KCNQ5: variants seen among roughly 807,000 people sequenced by gnomAD.
KCNQ5 encodes the protein potassium voltage-gated channel subfamily KQT member 5.
In KCNQ5, 30 loss-of-function variants were observed where a neutral mutation model predicts 98.2. The ratio of observed to expected loss-of-function variants is 0.31; its 90% CI spans 0.23 to 0.41. KCNQ5 has a LOEUF of 0.41. Among genes scored for constraint, KCNQ5 ranks in the 10% least tolerant of loss-of-function variants. The probability of loss-of-function intolerance (pLI) is 1.00; values close to 1 mark genes in which losing one functional copy is unlikely to be tolerated. For synonymous variants in KCNQ5, 458 were observed against 449.4 expected, an observed-to-expected ratio of 1.02 and a Z score of -0.24; for missense variants, 835 against 1,182.5, an observed-to-expected ratio of 0.71 and a Z score of 4.31.
intron 1 of KCNQ5, among the ~76,000 whole-genome samples, chr6:72,678,713 C>T (rs1269775027): frequency 6.6e-6 from 1 of 152,054 alleles, no homozygotes; most frequent in Non-Finnish European, 1.5e-5. Context: ...GTCTTTGGAA[C>T]AACATTTAAT....
chr6:72,909,614 G>A (rs1033995936), intron 1 of KCNQ5, among the ~76,000 whole-genome samples: 3 of 152,162 alleles, frequency 2.0e-5, no homozygotes, highest in Non-Finnish European at 2.9e-5. Flanking sequence ...AGTTCAAGAG[G>A]ATGTTTTCTA....
chr6:73,063,938 A>C (rs538614241), intron 3 of KCNQ5, among the ~76,000 whole-genome samples: 34 of 152,282 alleles, frequency 2.2e-4, no homozygotes, highest in African/African-American at 7.0e-4. Context: ...GGATTAGCCA[A>C]GTGCCTAAAC....
chr6:73,185,438 C>T (rs114228382), intron 11 of KCNQ5, among the ~76,000 whole-genome samples: 4,717 of 152,240 alleles, frequency 0.031, 108 homozygotes, highest in East Asian at 0.1. Context: ...CTCCTCAGCC[C>T]CCCAAAGTGC....
At chr6:72,995,596 A>G (rs1769258564) in intron 1 of KCNQ5, among the ~76,000 whole-genome samples, 1 of 152,168 alleles carries the variant, frequency 6.6e-6, no homozygotes, top group Non-Finnish European at 1.5e-5. Context: ...AGGTAAGATG[A>G]TAGTCGTGGG....
intron 1 of KCNQ5, among the ~76,000 whole-genome samples, chr6:72,969,016 GGTTTC>G (rs1459490035): frequency 2.0e-5 from 3 of 152,002 alleles, no homozygotes; most frequent in African/African-American, 7.3e-5. Flanking sequence ...AGCCAACTTG[GGTTTC>G]CTAAGTACAG....
chr6:72,762,416 T>TA (rs111784331), intron 1 of KCNQ5, among the ~76,000 whole-genome samples: 60 of 148,114 alleles, frequency 4.1e-4, no homozygotes, highest in Middle Eastern at 6.9e-3. Context: ...TTAGAATACT[T>TA]AAAAAAAAAA....
intron 3 of KCNQ5, among the ~76,000 whole-genome samples, chr6:73,058,410 C>CA (rs1306295690): frequency 5.3e-4 from 79 of 147,994 alleles, no homozygotes; most frequent in African/African-American, 1.8e-3. Flanking sequence ...GACTCCGTCT[C>CA]AAAAAAAAAC....
chr6:72,917,306 G>T (rs1780188594), intron 1 of KCNQ5, among the ~76,000 whole-genome samples: 1 of 151,990 alleles, frequency 6.6e-6, no homozygotes, highest in African/African-American at 2.4e-5. Flanking sequence ...TTGTAAATTT[G>T]AAATATTTTT....
intron 1 of KCNQ5, among the ~76,000 whole-genome samples, chr6:72,977,787 G>T (rs1768227704): frequency 6.6e-6 from 1 of 152,042 alleles, no homozygotes; most frequent in Admixed American, 6.6e-5. Context: ...AACACAGTAT[G>T]CATTTTATGT....
intron 1 of KCNQ5, among the ~76,000 whole-genome samples, chr6:72,783,946 C>T (rs1773612182): frequency 6.6e-6 from 1 of 152,050 alleles, no homozygotes; most frequent in Non-Finnish European, 1.5e-5. Context: ...GTGGGTTTAC[C>T]ACAGAACACA....
intron 1 of KCNQ5, among the ~76,000 whole-genome samples, chr6:72,821,526 C>T (rs574788081): frequency 2.2e-4 from 34 of 152,142 alleles, no homozygotes; most frequent in African/African-American, 7.7e-4. Context: ...TATTCCATCA[C>T]AAATGAAATG....
chr6:72,934,525 A>C (rs1411000505), intron 1 of KCNQ5, among the ~76,000 whole-genome samples: 2 of 152,216 alleles, frequency 1.3e-5, no homozygotes, highest in East Asian at 3.8e-4. Context: ...ATAGATCCCT[A>C]GACAAAATTA....
chr6:72,749,658 G>A (rs1010786882), intron 1 of KCNQ5, among the ~76,000 whole-genome samples: 2 of 152,010 alleles, frequency 1.3e-5, no homozygotes, highest in Non-Finnish European at 2.9e-5. Context: ...TAGGTGGATG[G>A]AAAAATACAA....
intron 1 of KCNQ5, among the ~76,000 whole-genome samples, chr6:72,631,596 T>C (rs1248917953): frequency 6.6e-6 from 1 of 152,184 alleles, no homozygotes; most frequent in Non-Finnish European, 1.5e-5. Flanking sequence ...AATGTGGAAT[T>C]CTTCAGTGAT....
At chr6:72,659,768 C>T (rs1281017084) in intron 1 of KCNQ5, among the ~76,000 whole-genome samples, 4 of 152,178 alleles carry the variant, frequency 2.6e-5, no homozygotes, top group African/African-American at 7.2e-5. Context: ...ACTTAGGAGA[C>T]GGATTGTCAA....
chr6:72,675,954 A>C (rs1360917929), intron 1 of KCNQ5, among the ~76,000 whole-genome samples: 1 of 152,146 alleles, frequency 6.6e-6, no homozygotes, highest in East Asian at 1.9e-4. Flanking sequence ...TCCATTCTGA[A>C]TCTTATATTG....
intron 3 of KCNQ5, among the ~76,000 whole-genome samples, chr6:73,058,329 G>T (rs541903492): frequency 1.2e-4 from 19 of 152,148 alleles, no homozygotes; most frequent in Admixed American, 2.6e-4. Context: ...GGAGAATGGC[G>T]TGAACCCCGG....
At chr6:72,806,581 T>C (rs1039249430) in intron 1 of KCNQ5, among the ~76,000 whole-genome samples, 2 of 152,164 alleles carry the variant, frequency 1.3e-5, no homozygotes, top group Non-Finnish European at 2.9e-5. Flanking sequence ...AGAATCATAA[T>C]ACTTACACAA....
rs1197048323 is a variant in KCNQ5 at position 73,029,430 on chromosome 6, TA to T, written c.490-12498del. On this transcript the variant is annotated intron_variant, in intron 2 of 13. Transcript: ENST00000370398. The stretch of plus-strand genomic sequence containing the variant: ...GCTATGTGTTATGCTTAGGGAGCAT[TA>T]AAAAAAATGCATTCTAAAACACTTG... Among the ~76,000 whole-genome samples, 8 of 151,332 alleles carry T rather than the reference TA, an allele frequency of 5.3e-5. No homozygotes were observed. The East Asian group carries it at 1.4e-3, about 26-fold the overall frequency.
Sources: allele counts gnomAD v4.1 joint callset (sites outside exome capture counted in the v4.1 genomes callset), GRCh38; gene constraint gnomAD v4.1.1; transcripts MANE v1.5; gene names NCBI Gene and HGNC (gene_info 2026-07-23, HGNC 2026-07-21).